Variants in DIS3L2 observed in about 807,000 individuals in gnomAD.
DIS3L2 encodes the protein DIS3-like exonuclease 2.
In DIS3L2, 34 loss-of-function variants were observed where a neutral mutation model predicts 97.5. The observed-to-expected ratio is 0.35, with a 90% CI of 0.27 to 0.46. The LOEUF is 0.46. Among genes scored for constraint, DIS3L2 ranks in the 20% least tolerant of loss-of-function variants. DIS3L2 has a pLI of 1.00. For missense variants in DIS3L2, 1,038 were observed against 1,146.0 expected, an observed-to-expected ratio of 0.91 and a Z score of 1.36; for synonymous variants, 435 against 445.2, an observed-to-expected ratio of 0.98 and a Z score of 0.29.
At chr2:232,337,256 A>G (rs1183598394), downstream of DIS3L2, 13 of 953,762 alleles carry the variant, frequency 1.4e-5, no homozygotes, top group East Asian at 1.3e-3. Context: ...ACTGTGTCCA[A>G]CCCTGCCCCC....
intron 1 of DIS3L2, among the ~76,000 whole-genome samples, chr2:231,997,349 A>T (rs977926248): frequency 6.6e-5 from 10 of 152,212 alleles, no homozygotes; most frequent in Admixed American, 1.3e-4. Flanking sequence ...TATTTTGTAA[A>T]ATATAAGTGA....
At chr2:232,022,279 AT>A (rs1338656013) in intron 3 of DIS3L2, among the ~76,000 whole-genome samples, 1 of 152,130 alleles carries the variant, frequency 6.6e-6, no homozygotes, top group Non-Finnish European at 1.5e-5. Context: ...CTCCAGTCAA[AT>A]TTGCAAATGC....
chr2:232,287,341 A>G (rs1383553994), intron 13 of DIS3L2, among the ~76,000 whole-genome samples: 1 of 148,094 alleles, frequency 6.8e-6, no homozygotes, highest in East Asian at 2.0e-4. Context: ...CATTACAAAT[A>G]GAAAGTTTGT....
chr2:232,001,968 G>T (rs1024791438), intron 1 of DIS3L2, among the ~76,000 whole-genome samples: 1 of 151,994 alleles, frequency 6.6e-6, no homozygotes, highest in Middle Eastern at 3.2e-3. Context: ...TGATCCACCC[G>T]CCTTGGCCTC....
chr2:232,001,485 C>T (rs1693900532), intron 1 of DIS3L2, among the ~76,000 whole-genome samples: 1 of 148,410 alleles, frequency 6.7e-6, no homozygotes, highest in African/African-American at 2.5e-5. Context: ...TATATTCTCT[C>T]ATTCATTGTC....
At chr2:231,996,951 C>CTAAAG (rs1214325772) in intron 1 of DIS3L2, among the ~76,000 whole-genome samples, 2 of 152,174 alleles carry the variant, frequency 1.3e-5, no homozygotes, top group African/African-American at 4.8e-5. Flanking sequence ...GATGACTGAA[C>CTAAAG]TAAAGTAGTG....
In DIS3L2 at chr2:232,024,229, C is replaced by T. The variant is rs377642822; in HGVS notation, c.211-48C>T. On this transcript the variant is annotated intron_variant, in intron 3 of 20. Transcript: ENST00000325385. ...TGGAGAATAACATACGTGGAAAAATCGTAAATATATAGCTAGATTTTCACA... is the reference window on the plus strand; with the variant it reads ...TGGAGAATAACATACGTGGAAAAATTGTAAATATATAGCTAGATTTTCACA... 1,250 of 1,399,988 alleles carry T rather than the reference C, an allele frequency of 8.9e-4. 4 individuals carry two copies. The highest frequency in any genetic ancestry group is 1.1e-3 in the Non-Finnish European group (1,166 of 1,017,906). The allele number at this position is 1,399,988 out of a possible 1,614,324, so 86.7% of individuals were successfully genotyped here. A position where few individuals can be genotyped will look rare whatever the true frequency, so the allele number is the denominator to read the frequency against.
At chr2:232,184,261 A>G (rs1691372783) in intron 9 of DIS3L2, among the ~76,000 whole-genome samples, 1 of 152,102 alleles carries the variant, frequency 6.6e-6, no homozygotes, top group African/African-American at 2.4e-5. Flanking sequence ...TTTCACTTTT[A>G]TTGCTTGAGT....
chr2:232,163,524 A>T lies in DIS3L2; in HGVS notation c.1016A>T (p.Glu339Val). ...CCTGAAACAGAAGGAATACTAACAGAGTATGGCGTGGATTTCTCTGATTTC... is the reference window on the plus strand; with the variant it reads ...CCTGAAACAGAAGGAATACTAACAGTGTATGGCGTGGATTTCTCTGATTTC... The part of the protein sequence containing the change: ...IEPETEGILT[E>V]YGVDFSDFSS... Residue 339 changes from glutamate to valine, a missense_variant, in exon 9 of 21, where the codon GAG becomes GTG. Glu to Val is a moderately radical substitution (Grantham distance 121). Around this residue, in one of 3 missense-constraint regions of DIS3L2, gnomAD observed 813 missense variants for 880.1 expected, o/e 0.92. Coordinates refer to ENST00000325385, the MANE Select transcript of DIS3L2 (RefSeq NM_152383.5). The T allele has an allele frequency of 6.2e-7, 1 of 1,614,208 alleles. No individual in the cohort carries two copies. Among genetic ancestry groups the T allele is most frequent in the Non-Finnish European group, 8.5e-7 (1 of 1,180,028 alleles).
At chr2:232,077,659 T>G (rs140225994) in intron 5 of DIS3L2, among the ~76,000 whole-genome samples, 1 of 152,336 alleles carries the variant, frequency 6.6e-6, no homozygotes, top group Non-Finnish European at 1.5e-5. Context: ...GTCCTGTCCT[T>G]CAGAGATTAG....
rs541529620 is a variant in DIS3L2 at position 231,986,918 on chromosome 2, A to T, written c.-94+25153A>T. The stretch of plus-strand genomic sequence containing the variant: ...AAGTATTTAATTTGTTTTACAGTAG[A>T]TGATCCATTTTGTGATGACTTCAGA... On this transcript the variant is annotated intron_variant, in intron 1 of 20. Transcript: ENST00000325385. 3.9e-5 allele frequency among the ~76,000 whole-genome samples: 6 copies of T among 152,238 alleles called. No individual in the cohort carries two copies. The East Asian group carries it at 7.7e-4, about 20-fold the overall frequency.
At chr2:232,049,417 G>A (rs572583841) in intron 5 of DIS3L2, among the ~76,000 whole-genome samples, 1 of 152,232 alleles carries the variant, frequency 6.6e-6, no homozygotes, top group East Asian at 1.9e-4. Flanking sequence ...GGGTCTTTTG[G>A]GAGGTGTTTA....
intron 1 of DIS3L2, among the ~76,000 whole-genome samples, chr2:231,977,282 TATTG>T (rs142839180): frequency 1.1e-4 from 16 of 152,330 alleles, no homozygotes; most frequent in East Asian, 1.9e-4. Context: ...TTCAGAGGTT[TATTG>T]ATTGATTGAT....
Position 232,184,096 on chromosome 2 carries a change from C to A in DIS3L2, c.1124+20464C>A, listed in dbSNP as rs529410706. ...TTTAGCCATTTTTCTTGAGTAATTGCATCTCAGATTGTTAAAAGCCTGTGG... is the reference window on the plus strand; with the variant it reads ...TTTAGCCATTTTTCTTGAGTAATTGAATCTCAGATTGTTAAAAGCCTGTGG... On this transcript the variant is annotated intron_variant, in intron 9 of 20. Transcript: ENST00000325385. 4.1e-4 allele frequency among the ~76,000 whole-genome samples: 63 copies of A among 152,258 alleles called. 1 individual carries two copies. The highest frequency in any genetic ancestry group is 1.6e-3 in the Admixed American group (24 of 15,300).
chr2:232,289,306 CCT>C (rs1694533990), intron 13 of DIS3L2, among the ~76,000 whole-genome samples: 1 of 150,738 alleles, frequency 6.6e-6, no homozygotes, highest in Non-Finnish European at 1.5e-5. Context: ...CGTGTTCTTG[CCT>C]CTCTCATGTC....
intron 5 of DIS3L2, among the ~76,000 whole-genome samples, chr2:232,086,611 G>GTA (rs1445271893): frequency 0.1 from 5,916 of 57,728 alleles, 780 homozygotes; most frequent in East Asian, 0.48. Flanking sequence ...ATGTGTGTGT[G>GTA]TGTATATATA....
At chr2:232,313,698 G>T (rs1695197408) in intron 14 of DIS3L2, among the ~76,000 whole-genome samples, 1 of 152,126 alleles carries the variant, frequency 6.6e-6, no homozygotes, top group Non-Finnish European at 1.5e-5. Context: ...CTGTGTTTTA[G>T]TCCATTTTCA....
intron 5 of DIS3L2, among the ~76,000 whole-genome samples, chr2:232,067,150 T>G (rs1476141352): frequency 6.6e-6 from 1 of 152,106 alleles, no homozygotes; most frequent in African/African-American, 2.4e-5. Flanking sequence ...TCTCTTAAAT[T>G]TACTGTATCT....
chr2:232,048,894 T>C (rs1695322690), intron 5 of DIS3L2, among the ~76,000 whole-genome samples: 2 of 152,348 alleles, frequency 1.3e-5, no homozygotes, highest in South Asian at 4.1e-4. Context: ...GCATTTCATG[T>C]CTTTGCTATA....
Sources: gnomAD v4.1 joint callset for allele counts (sites outside exome capture counted in the v4.1 genomes callset) on GRCh38, gnomAD v4.1.1 for gene constraint, gnomAD v4.1.1 regional missense constraint, MANE v1.5 for transcripts, NCBI Gene and HGNC (gene_info 2026-07-23, HGNC 2026-07-21) for gene names.